The following CDH9 variants were observed in gnomAD, a reference collection of about 807,000 sequenced individuals.
The protein encoded by CDH9 is cadherin-9.
In CDH9, 28 loss-of-function variants were observed where a neutral mutation model predicts 70.9. The ratio of observed to expected loss-of-function variants is 0.40; its 90% CI spans 0.29 to 0.54. The LOEUF (loss-of-function observed/expected upper bound fraction) is 0.54. Ranked by LOEUF, CDH9 falls within the 20% of genes least tolerant of loss-of-function variation. The pLI is 0.59. For synonymous variants in CDH9, 409 were observed against 343.1 expected (o/e 1.19, Z -2.12); for missense variants, 874 against 984.4 (o/e 0.89, Z 1.50).
chr5:26,916,068 G>A (rs1741143900), intron 2 of CDH9, 144 bp from the exon 3 acceptor site: 5 of 563,100 alleles, frequency 8.9e-6, no homozygotes, highest in East Asian at 8.5e-5. Context: ...CTGTGAGAGG[G>A]AGTTAAATAT....
At chr5:26,888,173 T>G (rs1009758855) in intron 9 of CDH9, among the ~76,000 whole-genome samples, 1 of 152,158 alleles carries the variant, frequency 6.6e-6, no homozygotes, top group Non-Finnish European at 1.5e-5. Flanking sequence ...TGGCAGACAT[T>G]TAAAATCTAG....
At chr5:26,890,344 T>C in intron 8 of CDH9, 84 bp downstream of exon 8, 2 of 1,121,960 alleles carry the variant, frequency 1.8e-6, no homozygotes, top group Non-Finnish European at 2.7e-6. Context: ...ATCATACCAC[T>C]CAAGAAAATG....
intron 2 of CDH9, among the ~76,000 whole-genome samples, chr5:26,933,049 A>G (rs895772505): frequency 1.4e-5 from 2 of 147,366 alleles, no homozygotes; most frequent in African/African-American, 4.9e-5. Context: ...TATTTTACTT[A>G]AATATAAATA....
At chr5:26,999,975 T>TCTGACG (rs1479489636) in intron 1 of CDH9, among the ~76,000 whole-genome samples, 3 of 152,066 alleles carry the variant, frequency 2.0e-5, no homozygotes, top group South Asian at 2.1e-4. Context: ...GTATCTTGGG[T>TCTGACG]CTGACGATGA....
chr5:26,911,995 T>G (rs1049158747), intron 3 of CDH9, among the ~76,000 whole-genome samples: 1 of 151,724 alleles, frequency 6.6e-6, no homozygotes, highest in Non-Finnish European at 1.5e-5. Flanking sequence ...TAAAAATGAA[T>G]GGAAATAAGG....
intron 2 of CDH9, among the ~76,000 whole-genome samples, chr5:26,986,414 TA>T (rs1335100522): frequency 6.6e-6 from 1 of 152,122 alleles, no homozygotes; most frequent in Admixed American, 6.6e-5. Flanking sequence ...TGGAATTAAT[TA>T]AAAAGGAAGC....
intron 1 of CDH9, among the ~76,000 whole-genome samples, chr5:26,998,337 C>G (rs1742702914): frequency 6.6e-6 from 1 of 152,156 alleles, no homozygotes; most frequent in African/African-American, 2.4e-5. Context: ...CCCAAATGTC[C>G]ATCAATGATA....
chr5:26,882,086 C>T (rs938644471), intron 11 of CDH9, among the ~76,000 whole-genome samples: 1 of 151,898 alleles, frequency 6.6e-6, no homozygotes, highest in African/African-American at 2.4e-5. Context: ...CTTGTATATG[C>T]ATTATATTTA....
intron 2 of CDH9, among the ~76,000 whole-genome samples, chr5:26,963,516 G>A (rs1742075384): frequency 6.6e-6 from 1 of 151,892 alleles, no homozygotes; most frequent in Non-Finnish European, 1.5e-5. Context: ...TTATTGAAAA[G>A]TTGTAAAATT....
At chr5:26,971,471 A>G (rs1418504949) in intron 2 of CDH9, among the ~76,000 whole-genome samples, 2 of 152,220 alleles carry the variant, frequency 1.3e-5, no homozygotes, top group Non-Finnish European at 2.9e-5. Context: ...CTCAATGTAT[A>G]AAATTCACTA....
rs143729263 is a variant in CDH9, at chr5:27,037,392, G to T, written c.-50+1071C>A. 3.3e-5 allele frequency among the ~76,000 whole-genome samples: 5 copies of T among 151,956 alleles called. No individual in the cohort carries two copies. The East Asian group carries it at 7.8e-4, about 24-fold the overall frequency. On this transcript the variant is annotated intron_variant, in intron 1 of 11. Coordinates refer to ENST00000231021, the MANE Select transcript of CDH9 (RefSeq NM_016279.4). ...CCACCAATTTCTCCTCCAATCTGTA[G>T]TCCATTATATCTTCATCAAAAGTTG... is the stretch of plus-strand genomic sequence containing the variant.
chr5:26,996,913 T>A (rs1579502536), intron 1 of CDH9, among the ~76,000 whole-genome samples: 1 of 152,124 alleles, frequency 6.6e-6, no homozygotes, highest in East Asian at 1.9e-4. Flanking sequence ...GAAAACAGAA[T>A]TAGCAGAAAT....
At chr5:26,945,555 AT>A (rs1741737891) in intron 2 of CDH9, among the ~76,000 whole-genome samples, 1 of 152,094 alleles carries the variant, frequency 6.6e-6, no homozygotes, top group Non-Finnish European at 1.5e-5. Flanking sequence ...CCAATGTTTT[AT>A]GTCACTATTT....
intron 2 of CDH9, among the ~76,000 whole-genome samples, chr5:26,942,212 A>C (rs187810858): frequency 6.6e-6 from 1 of 152,230 alleles, no homozygotes; most frequent in Non-Finnish European, 1.5e-5. Context: ...GGCTCTTATA[A>C]AACCATCAGA....
intron 1 of CDH9, among the ~76,000 whole-genome samples, chr5:26,996,062 A>C (rs538631589): frequency 6.6e-6 from 1 of 152,156 alleles, no homozygotes; most frequent in South Asian, 2.1e-4. Context: ...ATGCACATCT[A>C]AAATTAAATT....
chr5:26,880,916 G>A lies in CDH9; in HGVS notation c.*220C>T. On this transcript the variant is annotated 3_prime_UTR_variant, in exon 12 of 12. Coordinates refer to ENST00000231021, the MANE Select transcript of CDH9 (RefSeq NM_016279.4). Reference sequence around the variant, plus strand: ...ATATATTTTCCTTCCGAGATTGTTAGGCAAAGAGGGTGAACTGGTTATTAC... The same window carrying A: ...ATATATTTTCCTTCCGAGATTGTTAAGCAAAGAGGGTGAACTGGTTATTAC... 2.7e-6 allele frequency: 1 copy of A among 376,992 alleles called. No individual in the cohort carries two copies. 23.4% of individuals were successfully genotyped at this position (376,992 alleles called of 1,614,324 possible).
chr5:26,962,182 T>C (rs1394097516), intron 2 of CDH9, among the ~76,000 whole-genome samples: 1 of 152,158 alleles, frequency 6.6e-6, no homozygotes, highest in African/African-American at 2.4e-5. Flanking sequence ...TTCATAGTAT[T>C]CCATGGTGTA....
chr5:26,945,843 A>G (rs1445554691), intron 2 of CDH9, among the ~76,000 whole-genome samples: 1 of 152,198 alleles, frequency 6.6e-6, no homozygotes, highest in Non-Finnish European at 1.5e-5. Flanking sequence ...GGTAATGAGA[A>G]AGCAGATAAT....
In CDH9 at chr5:26,889,971, A is replaced by C. The variant is rs1740628173; in HGVS notation, c.1391-14T>G. On this transcript the variant is annotated splice_polypyrimidine_tract_variant and intron_variant, in intron 8 of 11. Coordinates refer to ENST00000231021, the MANE Select transcript of CDH9 (RefSeq NM_016279.4). ...GTTTTGGGTTATCTGCAACGAGAAC[A>C]CGTGTAAGATTTCAGTCTCATTTAC... The C allele has an allele frequency of 6.2e-7, 1 of 1,608,726 alleles. No individual in the cohort carries two copies. The highest frequency in any genetic ancestry group is 8.5e-7 in the Non-Finnish European group (1 of 1,177,628).
Sources: allele counts gnomAD v4.1 joint callset (sites outside exome capture counted in the v4.1 genomes callset), GRCh38; gene constraint gnomAD v4.1.1; transcripts MANE v1.5; gene names NCBI Gene and HGNC (gene_info 2026-07-23, HGNC 2026-07-21).